Variants in CTNNA2 observed in about 807,000 individuals in gnomAD.
CTNNA2 encodes the protein catenin alpha-2.
CTNNA2 carries 42 observed loss-of-function variants against 101.0 expected under a neutral mutation model. The observed-to-expected ratio is 0.42, with a 90% CI of 0.32 to 0.54. The LOEUF (loss-of-function observed/expected upper bound fraction) is 0.54. Among genes scored for constraint, CTNNA2 ranks in the 20% least tolerant of loss-of-function variants. CTNNA2 has a pLI of 0.14. For missense variants in CTNNA2, 871 were observed against 1,223.1 expected (o/e 0.71, Z 4.29); for synonymous variants, 450 against 456.4 (o/e 0.99, Z 0.18).
intron 2 of CTNNA2, among the ~76,000 whole-genome samples, chr2:79,691,458 C>T (rs1684293483): frequency 6.7e-6 from 1 of 148,230 alleles, no homozygotes; most frequent in African/African-American, 2.5e-5. Flanking sequence ...CTCAAAGAGG[C>T]AAAATACTCC....
At chr2:79,457,490 T>TG (rs557934511) in intron 4 of CTNNA2, among the ~76,000 whole-genome samples, 7 of 151,998 alleles carry the variant, frequency 4.6e-5, no homozygotes, top group East Asian at 1.9e-4. Flanking sequence ...AGTGGGTCAT[T>TG]GGGGGGGAAA....
intron 1 of CTNNA2, chr2:79,195,861 A>T (rs1160923264): frequency 2.0e-6 from 1 of 510,008 alleles, no homozygotes; most frequent in East Asian, 5.6e-5. Context: ...TAGACCTTCA[A>T]ATATAAAAGG....
intron 2 of CTNNA2, among the ~76,000 whole-genome samples, chr2:79,213,986 C>G (rs958098751): frequency 6.6e-6 from 1 of 152,136 alleles, no homozygotes. Context: ...TGGACAGAAA[C>G]ACTACAGGGT....
chr2:79,833,335 A>C (rs1679070036), intron 3 of CTNNA2, among the ~76,000 whole-genome samples: 1 of 152,206 alleles, frequency 6.6e-6, no homozygotes, highest in African/African-American at 2.4e-5. Flanking sequence ...TTTAGGAGTT[A>C]GCCTAAGAAC....
intron 2 of CTNNA2, among the ~76,000 whole-genome samples, chr2:79,726,487 G>A (rs908863768): frequency 2.6e-5 from 4 of 152,088 alleles, no homozygotes; most frequent in African/African-American, 9.7e-5. Context: ...ACCCTATTGT[G>A]ATTTGCACAT....
intron 9 of CTNNA2, among the ~76,000 whole-genome samples, chr2:80,453,372 AG>A (rs1683684058): frequency 6.6e-6 from 1 of 151,678 alleles, no homozygotes; most frequent in Non-Finnish European, 1.5e-5. Context: ...TAAGAGTGTC[AG>A]TCTAAGAACA....
intron 16 of CTNNA2, 94 bp from the exon 17 acceptor site, chr2:80,608,090 C>T (rs928017016): frequency 1.1e-5 from 13 of 1,231,258 alleles, no homozygotes; most frequent in South Asian, 1.0e-4. Context: ...AGGTATATGA[C>T]ACTGAAAACT....
Position 79,874,275 on chromosome 2 carries a change from C to T in CTNNA2, c.785C>T (p.Ser262Leu), listed in dbSNP as rs754773463. The stretch of plus-strand genomic sequence containing the variant: ...ATCTCCAATGCTGCTCAAGCTACCT[C>T]GCCCACTGACGAAGCCAAGGGCCAC... ...AGISNAAQAT[S>L]PTDEAKGHTG... The change falls in exon 6 of 19, where the codon TCG (serine) becomes TTG (leucine). Residue 262 changes from serine (S) to leucine (L), a missense_variant. This residue lies in a region of CTNNA2 where 647 missense variants were observed against 831.5 expected (regional missense o/e 0.78). Transcript: ENST00000402739. The T allele has an allele frequency of 2.3e-5, 37 of 1,614,002 alleles. No homozygotes were observed. Among genetic ancestry groups the T allele is most frequent in the East Asian group, 4.5e-5 (2 of 44,866 alleles).
intron 7 of CTNNA2, among the ~76,000 whole-genome samples, chr2:80,108,478 C>T (rs1384369964): frequency 1.3e-5 from 2 of 152,214 alleles, no homozygotes; most frequent in South Asian, 4.1e-4. Context: ...GTCTCCCATG[C>T]CTGGCACATG....
At chr2:79,558,331 C>A (rs1193130412) in intron 1 of CTNNA2, among the ~76,000 whole-genome samples, 2 of 151,902 alleles carry the variant, frequency 1.3e-5, no homozygotes, top group Admixed American at 6.6e-5. Flanking sequence ...ATAATGCCAT[C>A]TTAGTAAACT....
At chr2:79,604,413 G>A (rs757518361) in intron 1 of CTNNA2, among the ~76,000 whole-genome samples, 14 of 152,212 alleles carry the variant, frequency 9.2e-5, no homozygotes, top group Non-Finnish European at 1.8e-4. Context: ...TAGACTGAGG[G>A]AGTTTTCGGG....
chr2:79,278,059 A>G (rs1346495938), intron 2 of CTNNA2, among the ~76,000 whole-genome samples: 2 of 152,126 alleles, frequency 1.3e-5, no homozygotes, highest in Non-Finnish European at 2.9e-5. Context: ...GTGGAGGATG[A>G]AGGAAGGTAA....
intron 14 of CTNNA2, among the ~76,000 whole-genome samples, chr2:80,582,235 C>T (rs1020904753): frequency 6.6e-6 from 1 of 152,154 alleles, no homozygotes; most frequent in Non-Finnish European, 1.5e-5. Flanking sequence ...AATCAGGGCA[C>T]TACTTTGTTT....
At chr2:80,272,481 C>T (rs1371746330) in intron 7 of CTNNA2, among the ~76,000 whole-genome samples, 1 of 152,198 alleles carries the variant, frequency 6.6e-6, no homozygotes, top group Non-Finnish European at 1.5e-5. Context: ...GGTGTTTGCA[C>T]ATTTCACTTT....
intron 4 of CTNNA2, among the ~76,000 whole-genome samples, chr2:79,410,472 T>C (rs1678396705): frequency 6.6e-6 from 1 of 152,142 alleles, no homozygotes; most frequent in Non-Finnish European, 1.5e-5. Flanking sequence ...TTGAGATTTG[T>C]CCCATCAATA....
chr2:80,642,357 T>C (rs1673585394), intron 18 of CTNNA2, among the ~76,000 whole-genome samples: 1 of 152,202 alleles, frequency 6.6e-6, no homozygotes, highest in African/African-American at 2.4e-5. Flanking sequence ...AACACTGTCA[T>C]ACAGTGTTAA....
chr2:80,154,334 A>G (rs557733120), intron 7 of CTNNA2, among the ~76,000 whole-genome samples: 5 of 152,224 alleles, frequency 3.3e-5, no homozygotes, highest in Admixed American at 1.3e-4. Flanking sequence ...ATTAGAAGAG[A>G]TATTTTCAGG....
At chr2:80,012,398 G>A (rs573154363) in intron 7 of CTNNA2, among the ~76,000 whole-genome samples, 1 of 152,158 alleles carries the variant, frequency 6.6e-6, no homozygotes, top group Admixed American at 6.5e-5. Context: ...AAGCTGTCTT[G>A]TTGCCTCTTG....
At chr2:79,714,710 T>C (rs1489254762) in intron 2 of CTNNA2, among the ~76,000 whole-genome samples, 1 of 152,172 alleles carries the variant, frequency 6.6e-6, no homozygotes, top group African/African-American at 2.4e-5. Flanking sequence ...AAAGCTTTCA[T>C]TTATCCAGTC....
Sources: gnomAD v4.1 joint callset for allele counts (sites outside exome capture counted in the v4.1 genomes callset) on GRCh38, gnomAD v4.1.1 for gene constraint, gnomAD v4.1.1 regional missense constraint, MANE v1.5 for transcripts, NCBI Gene and HGNC (gene_info 2026-07-23, HGNC 2026-07-21) for gene names.